Variants in GJB7 observed in about 807,000 individuals in gnomAD.
GJB7 encodes the protein gap junction protein beta 7, also known as gap junction beta-7 protein.
For synonymous variants in GJB7, 87 were observed against 95.2 expected (o/e 0.91, Z 0.50); for missense variants, 253 against 256.8 (o/e 0.99, Z 0.10).
intron 2 of GJB7, among the ~76,000 whole-genome samples, chr6:87,315,422 G>T (rs1776566139): frequency 6.6e-6 from 1 of 152,188 alleles, no homozygotes; most frequent in South Asian, 2.1e-4. Flanking sequence ...CTTTCCACTT[G>T]GATGTATTTT....
chr6:87,316,218 A>G (rs1191726793), intron 2 of GJB7, among the ~76,000 whole-genome samples: 1 of 152,152 alleles, frequency 6.6e-6, no homozygotes, highest in East Asian at 1.9e-4. Flanking sequence ...ATCAACTCCT[A>G]TGCTAGTCAC....
intron 2 of GJB7, chr6:87,299,936 C>A: frequency 6.5e-6 from 2 of 307,092 alleles, no homozygotes; most frequent in South Asian, 7.7e-5. Context: ...GAATGTATGT[C>A]TGGCAAAACT....
chr6:87,301,912 C>A (rs1582560022), intron 2 of GJB7, among the ~76,000 whole-genome samples: 1 of 152,352 alleles, frequency 6.6e-6, no homozygotes, highest in East Asian at 1.9e-4. Context: ...GATACCCAGG[C>A]AAACAGGGTC....
chr6:87,307,712 A>G (rs1318748675), intron 2 of GJB7, among the ~76,000 whole-genome samples: 1 of 152,226 alleles, frequency 6.6e-6, no homozygotes, highest in African/African-American at 2.4e-5. Flanking sequence ...CCATCATTAA[A>G]AAATCAGGAA....
chr6:87,307,508 G>T (rs1259265246), intron 2 of GJB7, among the ~76,000 whole-genome samples: 5 of 151,994 alleles, frequency 3.3e-5, no homozygotes, highest in East Asian at 3.9e-4. Context: ...GAATCTACAA[G>T]GAACTCCAAC....
chr6:87,284,398 T>C lies in GJB7; in HGVS notation c.515A>G (p.Lys172Arg). Reference sequence around the variant, plus strand: ...GATGAAGATCGTCTTCTCAGTGGGTTTGGAGATGAAGCAGTCCACAGTGTT... The same window carrying C: ...GATGAAGATCGTCTTCTCAGTGGGTCTGGAGATGAAGCAGTCCACAGTGTT... ...CPNTVDCFIS[K>R]PTEKTIFILF... is the part of the protein sequence containing the mutation. The change falls in exon 3 of 3, where the codon AAA (lysine) becomes AGA (arginine). Residue 172 changes from lysine (K) to arginine (R), a missense_variant. Coordinates refer to ENST00000525899, the MANE Select transcript of GJB7 (RefSeq NM_198568.3). 1 of 1,614,184 alleles carries C rather than the reference T, an allele frequency of 6.2e-7. No individual in the cohort carries two copies. Among genetic ancestry groups the C allele is most frequent in the Middle Eastern group, 1.6e-4 (1 of 6,062 alleles).
At chr6:87,287,289 A>G (rs1462919687) in intron 2 of GJB7, among the ~76,000 whole-genome samples, 1 of 152,210 alleles carries the variant, frequency 6.6e-6, no homozygotes, top group African/African-American at 2.4e-5. Flanking sequence ...TGTTTTCTGC[A>G]TAGACTCAGC....
chr6:87,289,682 T>C (rs1776133024), intron 2 of GJB7, among the ~76,000 whole-genome samples: 1 of 152,222 alleles, frequency 6.6e-6, no homozygotes, highest in Admixed American at 6.5e-5. Flanking sequence ...CAGTTCTGAC[T>C]GTGGTGACAC....
At chr6:87,323,340 T>C (rs1197059769) in intron 1 of GJB7, among the ~76,000 whole-genome samples, 1 of 152,176 alleles carries the variant, frequency 6.6e-6, no homozygotes, top group Non-Finnish European at 1.5e-5. Context: ...TAGTTACATA[T>C]GTATACATGT....
At chr6:87,320,958 C>T (rs1175801941) in intron 2 of GJB7, among the ~76,000 whole-genome samples, 1 of 152,164 alleles carries the variant, frequency 6.6e-6, no homozygotes, top group Non-Finnish European at 1.5e-5. Context: ...GTGGCTCACG[C>T]CTGTAATCCC....
rs150202099 is a variant in GJB7, at chr6:87,300,988, A to G, written c.-27-16049T>C. Reference sequence around the variant, plus strand: ...GCTATTAATGTATTCAAGAAAATAAATGACAAGATGGAAAATTTCATCAGA... The same window carrying G: ...GCTATTAATGTATTCAAGAAAATAAGTGACAAGATGGAAAATTTCATCAGA... On this transcript the variant is annotated intron_variant, in intron 2 of 2. Coordinates refer to ENST00000525899, the MANE Select transcript of GJB7 (RefSeq NM_198568.3). Among the ~76,000 whole-genome samples, 4 of 152,368 alleles carry G rather than the reference A, an allele frequency of 2.6e-5. No individual in the cohort carries two copies. In the East Asian group the frequency reaches 7.7e-4, roughly 29 times the overall value.
At chr6:87,290,432 A>C (rs1776149718) in intron 2 of GJB7, among the ~76,000 whole-genome samples, 1 of 152,124 alleles carries the variant, frequency 6.6e-6, no homozygotes. Context: ...CATCTGAATG[A>C]GGCATTTTTA....
intron 2 of GJB7, among the ~76,000 whole-genome samples, chr6:87,320,329 A>G (rs931292610): frequency 3.9e-5 from 6 of 152,322 alleles, no homozygotes; most frequent in Middle Eastern, 6.8e-3. Context: ...TTAAACCTCA[A>G]ATCAAATGTG....
intron 2 of GJB7, among the ~76,000 whole-genome samples, chr6:87,304,447 C>A (rs916492859): frequency 5.3e-5 from 8 of 152,162 alleles, no homozygotes; most frequent in African/African-American, 1.9e-4. Flanking sequence ...AATTTCTGGA[C>A]ACATACACCC....
At chr6:87,286,512 A>T (rs879880899) in intron 2 of GJB7, among the ~76,000 whole-genome samples, 14 of 152,108 alleles carry the variant, frequency 9.2e-5, no homozygotes, top group Non-Finnish European at 1.8e-4. Flanking sequence ...CCCTTCTAGT[A>T]CATCCACGAT....
intron 2 of GJB7, among the ~76,000 whole-genome samples, chr6:87,302,454 G>T (rs1366611476): frequency 6.6e-6 from 1 of 152,190 alleles, no homozygotes; most frequent in Non-Finnish European, 1.5e-5. Context: ...TGAATGAAAT[G>T]AAGCGAGAAG....
At chr6:87,321,817 C>T (rs1463357811) in intron 2 of GJB7, among the ~76,000 whole-genome samples, 2 of 152,098 alleles carry the variant, frequency 1.3e-5, no homozygotes, top group Admixed American at 1.3e-4. Flanking sequence ...GAAGAGGAAA[C>T]AAGCACGTCT....
chr6:87,328,679 T>C (rs529012175), intron 1 of GJB7, among the ~76,000 whole-genome samples: 2 of 152,236 alleles, frequency 1.3e-5, no homozygotes, highest in South Asian at 4.1e-4. Flanking sequence ...GACATTTAAG[T>C]CTGCAGAGGA....
chr6:87,310,451 T>C (rs1175747085), intron 2 of GJB7, among the ~76,000 whole-genome samples: 1 of 152,008 alleles, frequency 6.6e-6, no homozygotes, highest in Non-Finnish European at 1.5e-5. Context: ...ACAAGAAAAC[T>C]ATATCCAGCA....
Sources: gnomAD v4.1 joint callset for allele counts (sites outside exome capture counted in the v4.1 genomes callset) on GRCh38, gnomAD v4.1.1 for gene constraint, MANE v1.5 for transcripts, NCBI Gene and HGNC (gene_info 2026-07-23, HGNC 2026-07-21) for gene names.